POLI: variants seen among roughly 807,000 people sequenced by gnomAD.
The protein encoded by POLI is DNA polymerase iota.
Under a neutral mutation model 51.6 loss-of-function variants are expected in POLI, and 58 were observed. The observed-to-expected ratio is 1.12, with a 90% CI of 0.91 to 1.40. POLI has a LOEUF of 1.40. Ranked by LOEUF, POLI falls within the 40% of genes most tolerant of loss-of-function variation. POLI has a pLI of 0.00. For synonymous variants in POLI, 322 were observed against 299.7 expected (o/e 1.07, Z -0.77); for missense variants, 921 against 871.3 (o/e 1.06, Z -0.72).
intron 3 of POLI, among the ~76,000 whole-genome samples, chr18:54,306,738 G>A (rs895550011): frequency 1.3e-5 from 2 of 152,082 alleles, no homozygotes; most frequent in African/African-American, 4.8e-5. Flanking sequence ...ATTAATTGTT[G>A]CCTCAATTTC....
intron 3 of POLI, among the ~76,000 whole-genome samples, chr18:54,305,308 G>T (rs1280587671): frequency 6.6e-6 from 1 of 152,124 alleles, no homozygotes; most frequent in Non-Finnish European, 1.5e-5. Flanking sequence ...GAAAGTCATT[G>T]GTAGCTTGAT....
rs1338065594 is a variant in POLI at position 54,294,814 on chromosome 18, CATTT to C, written c.*348_*351del. The C allele has an allele frequency of 1.2e-6, 1 of 828,504 alleles. No homozygotes were observed. The highest frequency in any genetic ancestry group is 1.2e-4 in the East Asian group (1 of 8,492). The allele number at this position is 828,504 out of a possible 1,614,324, so 51.3% of individuals were successfully genotyped here. A position where few individuals can be genotyped will look rare whatever the true frequency, so the allele number is the denominator to read the frequency against. On this transcript the variant is annotated 3_prime_UTR_variant, in exon 10 of 10. Transcript: ENST00000579534. Reference sequence around the variant, plus strand: ...CGTTGCAATGATATGGTAAAGGACACATTTTTTTTTTTTTTTTCCTGTGAAATGT... The same window carrying C: ...CGTTGCAATGATATGGTAAAGGACACTTTTTTTTTTTTTCCTGTGAAATGT...
Position 54,276,020 on chromosome 18 carries a change from C to T in POLI, c.407-1683C>T, listed in dbSNP as rs548904813. Reference sequence around the variant, plus strand: ...TAATTACAGACTCCTCTTTTGGGCCCTATATAATTATATGTTTAATAAATG... The same window carrying T: ...TAATTACAGACTCCTCTTTTGGGCCTTATATAATTATATGTTTAATAAATG... On this transcript the variant is annotated intron_variant, in intron 3 of 9. Transcript: ENST00000579534. Among the ~76,000 whole-genome samples, 30 of 151,580 alleles carry T rather than the reference C, an allele frequency of 2.0e-4. No homozygotes were observed. The East Asian group carries it at 3.7e-3, about 19-fold the overall frequency.
At position 54,297,729 on chromosome 18, in the gene POLI, C is replaced by T. The variant is rs1299703889; in HGVS notation, c.*3262C>T. On this transcript the variant is annotated 3_prime_UTR_variant, in exon 10 of 10. Coordinates refer to ENST00000579534, the MANE Select transcript of POLI (RefSeq NM_007195.3). The stretch of plus-strand genomic sequence containing the variant: ...TATCCTTAAACATCTAAAAATGCTA[C>T]CCTCTTTCCAAACAACACAAAGGTA... 4 of 970,112 alleles carry T rather than the reference C, an allele frequency of 4.1e-6. No individual in the cohort carries two copies. The highest frequency in any genetic ancestry group is 4.9e-6 in the Non-Finnish European group (4 of 816,248). The allele number at this position is 970,112 out of a possible 1,614,324, so 60.1% of individuals were successfully genotyped here. A position where few individuals can be genotyped will look rare whatever the true frequency, so the allele number is the denominator to read the frequency against.
At chr18:54,317,704 A>C (rs2088752549) in intron 3 of POLI, among the ~76,000 whole-genome samples, 1 of 152,080 alleles carries the variant, frequency 6.6e-6, no homozygotes, top group Non-Finnish European at 1.5e-5. Context: ...TCTTTACAAA[A>C]ATTAAAAAAA....
In POLI at chr18:54,274,034, T is replaced by C; in HGVS notation, c.350T>C (p.Val117Ala). Residue 117 changes from valine to alanine, a missense_variant, in exon 3 of 10, where the codon GTA (valine) becomes GCA (alanine). Physicochemically the swap from Val to Ala is moderately conservative, Grantham distance 64. Transcript: ENST00000579534. The part of the protein sequence containing the change: ...RDAKEKCPQL[V>A]LVNGEDLTRY... ...GCAAAAGAAAAGTGTCCACAGTTGGTATTAGTTAATGGAGAAGACCTGACC... is the reference window on the plus strand; with the variant it reads ...GCAAAAGAAAAGTGTCCACAGTTGGCATTAGTTAATGGAGAAGACCTGACC... 1 of 1,567,406 alleles carries C rather than the reference T, an allele frequency of 6.4e-7. No homozygotes were observed. The highest frequency in any genetic ancestry group is 1.8e-5 in the Admixed American group (1 of 55,150).
chr18:54,291,913 C>T lies in POLI; in HGVS notation c.1279C>T (p.His427Tyr). ...TATGGTGAATGTGAAGATGCCATTT[C>T]ACCTTACCCTTCTAAGTGTGTGCTT... is the stretch of plus-strand genomic sequence containing the variant. ...RNMVNVKMPFHLTLLSVCFCN... is the reference protein window; with the variant it reads ...RNMVNVKMPFYLTLLSVCFCN... The change falls in exon 9 of 10, where the codon CAC becomes TAC. Residue 427 changes from histidine (H) to tyrosine (Y), a missense_variant. Physicochemically the swap from His to Tyr is moderately conservative, Grantham distance 83. Coordinates refer to ENST00000579534, the MANE Select transcript of POLI (RefSeq NM_007195.3). 2 of 1,609,186 alleles carry T rather than the reference C, an allele frequency of 1.2e-6. No individual in the cohort carries two copies. The highest frequency in any genetic ancestry group is 8.5e-7 in the Non-Finnish European group (1 of 1,176,000).
intron 3 of POLI, among the ~76,000 whole-genome samples, chr18:54,312,377 T>C (rs927017247): frequency 2.0e-5 from 3 of 152,084 alleles, no homozygotes; most frequent in African/African-American, 7.2e-5. Context: ...GGTTGATTCC[T>C]AGGTGTTCAT....
chr18:54,293,088 G>C (rs1026894803), intron 9 of POLI, among the ~76,000 whole-genome samples: 1 of 151,866 alleles, frequency 6.6e-6, no homozygotes, highest in Non-Finnish European at 1.5e-5. Context: ...GAAACTAAAG[G>C]ATTTAAATGA....
rs2088404956 is a variant in POLI at position 54,297,771 on chromosome 18, T to G, written c.*3304T>G. 1 of 962,762 alleles carries G rather than the reference T, an allele frequency of 1.0e-6. No individual in the cohort carries two copies. The highest frequency in any genetic ancestry group is 1.2e-6 in the Non-Finnish European group (1 of 809,420). The allele number at this position is 962,762 out of a possible 1,614,324, so 59.6% of individuals were successfully genotyped here. A position where few individuals can be genotyped will look rare whatever the true frequency, so the allele number is the denominator to read the frequency against. ...ACAAAGGTATTGAAATAACATTAAT[T>G]CTAATTAAATTCCACAAGTTCTTTA... On this transcript the variant is annotated 3_prime_UTR_variant, in exon 10 of 10. Coordinates refer to ENST00000579534, the MANE Select transcript of POLI (RefSeq NM_007195.3).
chr18:54,283,703 T>A, intron 6 of POLI: 1 of 279,444 alleles, frequency 3.6e-6, no homozygotes, highest in Non-Finnish European at 6.7e-6. Flanking sequence ...CTGTTTTATA[T>A]TAACTGTTAA....
rs2144511201 is a variant in POLI at position 54,280,893 on chromosome 18, G to A, written c.786G>A (p.Lys262=). 2 of 1,525,600 alleles carry A rather than the reference G, an allele frequency of 1.3e-6. No individual in the cohort carries two copies. The highest frequency in any genetic ancestry group is 2.2e-5 in the East Asian group (1 of 44,514). The allele number at this position is 1,525,600 out of a possible 1,614,324, so 94.5% of individuals were successfully genotyped here. ...QHLIHSLNHI[K]EIPGIGYKTA... ...TTATTCATAGTTTGAATCACATAAA[G>A]GAAATACCTGGTAAGACAAATATAT... Residue 262 remains lysine (K), a synonymous_variant, in exon 5 of 10, where the codon AAG becomes AAA. Coordinates refer to ENST00000579534, the MANE Select transcript of POLI (RefSeq NM_007195.3).
At chr18:54,309,401 G>A (rs922720067) in intron 3 of POLI, among the ~76,000 whole-genome samples, 1 of 152,138 alleles carries the variant, frequency 6.6e-6, no homozygotes, top group African/African-American at 2.4e-5. Flanking sequence ...GTTTTCCTGG[G>A]TATCACCAGC....
intron 3 of POLI, among the ~76,000 whole-genome samples, chr18:54,314,571 C>G (rs1377432498): frequency 6.6e-6 from 1 of 152,042 alleles, no homozygotes; most frequent in Non-Finnish European, 1.5e-5. Context: ...CTTTATATGT[C>G]TTATAGAATT....
chr18:54,269,851 A>G, intron 1 of POLI, 190 bp downstream of exon 1: 1 of 1,336,564 alleles, frequency 7.5e-7, no homozygotes, highest in Non-Finnish European at 9.5e-7. Context: ...TTCACCCAGC[A>G]GGAGTAGGGT....
Position 54,294,658 on chromosome 18 carries a change from A to G in POLI, c.*191A>G, listed in dbSNP as rs573772540. 2.3e-4 allele frequency: 292 copies of G among 1,249,104 alleles called. No homozygotes were observed. The South Asian group carries it at 2.7e-3, about 11-fold the overall frequency. The allele number at this position is 1,249,104 out of a possible 1,614,324, so 77.4% of individuals were successfully genotyped here. A position where few individuals can be genotyped will look rare whatever the true frequency, so the allele number is the denominator to read the frequency against. ...AAAAATATAACAGAAGAAATAATGT[A>G]AAATACTATCTTTTATGTCTAAAGC... On this transcript the variant is annotated 3_prime_UTR_variant, in exon 10 of 10. Transcript: ENST00000579534.
In POLI at chr18:54,295,553, TTAAAAA is replaced by T. The variant is rs2088282025; in HGVS notation, c.*1091_*1096del. On this transcript the variant is annotated 3_prime_UTR_variant, in exon 10 of 10. Transcript: ENST00000579534. ...GCACATATAATCTAAAGAAGAGACTTTAAAAATAAAGTACACAAATATGAACCAAAG... is the reference window on the plus strand; with the variant it reads ...GCACATATAATCTAAAGAAGAGACTTTAAAGTACACAAATATGAACCAAAG... 2 of 842,448 alleles carry T rather than the reference TTAAAAA, an allele frequency of 2.4e-6. No homozygotes were observed. The highest frequency in any genetic ancestry group is 2.9e-6 in the Non-Finnish European group (2 of 700,194). 52.2% of individuals were successfully genotyped at this position (842,448 alleles called of 1,614,324 possible).
chr18:54,315,499 T>C (rs1299787944), intron 3 of POLI, among the ~76,000 whole-genome samples: 1 of 152,200 alleles, frequency 6.6e-6, no homozygotes, highest in African/African-American at 2.4e-5. Context: ...AGTGTTTGCT[T>C]TAAGTCCAGA....
At position 54,273,920 on chromosome 18, in the gene POLI, T is replaced by C. The variant is rs1486964048; in HGVS notation, c.242-6T>C. The C allele has an allele frequency of 6.7e-7, 1 of 1,488,034 alleles. No individual in the cohort carries two copies. Among genetic ancestry groups the C allele is most frequent in the South Asian group, 1.4e-5 (1 of 72,778 alleles). The allele number at this position is 1,488,034 out of a possible 1,614,324, so 92.2% of individuals were successfully genotyped here. A position where few individuals can be genotyped will look rare whatever the true frequency, so the allele number is the denominator to read the frequency against. ...GCTTGGGTTTCTCATAAAATATTTT[T>C]TACAGGGGTTCAACAGAAATATTTG... On this transcript the variant is annotated splice_polypyrimidine_tract_variant and splice_region_variant and intron_variant, in intron 2 of 9. Transcript: ENST00000579534.
Sources: gnomAD v4.1 joint callset for allele counts (sites outside exome capture counted in the v4.1 genomes callset) on GRCh38, gnomAD v4.1.1 for gene constraint, MANE v1.5 for transcripts, NCBI Gene and HGNC (gene_info 2026-07-23, HGNC 2026-07-21) for gene names.